NWD2: variants seen among roughly 807,000 people sequenced by gnomAD.
NWD2 encodes NACHT and WD repeat domain containing 2, also known as NACHT and WD repeat domain-containing protein 2.
A neutral mutation model predicts 132.7 loss-of-function variants in NWD2; 37 were observed. The ratio of observed to expected loss-of-function variants is 0.28; its 90% CI spans 0.21 to 0.37. The LOEUF is 0.37. NWD2 is among the 10% of genes least tolerant of loss of function. The pLI, the probability that NWD2 is intolerant of heterozygous loss-of-function variation, is 1.00. For synonymous variants in NWD2, 705 were observed against 803.0 expected, an observed-to-expected ratio of 0.88 and a Z score of 2.06; for missense variants, 1,592 against 2,122.4, an observed-to-expected ratio of 0.75 and a Z score of 4.91.
chr4:37,443,682 A>G lies in NWD2; in HGVS notation c.1694A>G (p.Asn565Ser), dbSNP rs746541660. The change falls in exon 7 of 7, where the codon AAC (asparagine) becomes AGC (serine). Residue 565 changes from asparagine to serine, a missense_variant. Coordinates refer to ENST00000309447, the MANE Select transcript of NWD2 (RefSeq NM_001144990.2). The surrounding 1 kb of genome is among the most constrained non-coding windows in gnomAD (Gnocchi z 4.1). The stretch of plus-strand genomic sequence containing the variant: ...AGGTGCCTTATCCATGAAGAAGACA[A>G]CTACATCGAGCTGATTCCCCGAGAC... ...KLRCLIHEED[N>S]YIELIPRDRK... 4.5e-6 allele frequency: 7 copies of G among 1,551,988 alleles called. No homozygotes were observed. The highest frequency in any genetic ancestry group is 1.7e-4 in the Middle Eastern group (1 of 6,020).
chr4:37,320,105 G>C (rs979237071), intron 1 of NWD2, among the ~76,000 whole-genome samples: 1 of 152,214 alleles, frequency 6.6e-6, no homozygotes, highest in African/African-American at 2.4e-5. Flanking sequence ...TGTAATCCAT[G>C]AGCATGGGAT....
Position 37,438,800 on chromosome 4 carries a change from G to A in NWD2, c.707-1G>A. 1 of 1,543,190 alleles carries A rather than the reference G, an allele frequency of 6.5e-7. No homozygotes were observed. Among genetic ancestry groups the A allele is most frequent in the Non-Finnish European group, 8.8e-7 (1 of 1,142,264 alleles). On this transcript the variant is annotated splice_acceptor_variant, in intron 5 of 6. Coordinates refer to ENST00000309447, the MANE Select transcript of NWD2 (RefSeq NM_001144990.2). LOFTEE classifies it high-confidence loss of function. ...AAACTCCTTCTTATATTTTCTTTCA[G>A]CTATAGAGGATGAGTTTGACTTTGC...
In NWD2 at chr4:37,254,989, A is replaced by G. The variant is rs1358065268; in HGVS notation, c.151+9771A>G. On this transcript the variant is annotated intron_variant, in intron 1 of 6. Coordinates refer to ENST00000309447, the MANE Select transcript of NWD2 (RefSeq NM_001144990.2). ...AATCTGATCTATTACATGCAGTGTCATTCAAAGAGTTTCTTGCCGCAGAAC... is the reference window on the plus strand; with the variant it reads ...AATCTGATCTATTACATGCAGTGTCGTTCAAAGAGTTTCTTGCCGCAGAAC... Among the ~76,000 whole-genome samples the G allele has an allele frequency of 4.6e-5, 7 of 152,236 alleles. No individual in the cohort carries two copies. The East Asian group carries it at 9.6e-4, about 21-fold the overall frequency.
chr4:37,298,771 T>C (rs556619704), intron 1 of NWD2, among the ~76,000 whole-genome samples: 3 of 152,178 alleles, frequency 2.0e-5, no homozygotes, highest in Non-Finnish European at 4.4e-5. Context: ...AAAATACCTA[T>C]TAGTTGCAAG....
intron 3 of NWD2, among the ~76,000 whole-genome samples, chr4:37,383,472 C>T (rs1720498525): frequency 6.6e-6 from 1 of 152,136 alleles, no homozygotes; most frequent in African/African-American, 2.4e-5. Flanking sequence ...AGCAGAGAAC[C>T]TAAACCTGAA....
intron 1 of NWD2, among the ~76,000 whole-genome samples, chr4:37,272,995 G>A (rs977195399): frequency 6.6e-6 from 1 of 151,680 alleles, no homozygotes; most frequent in African/African-American, 2.4e-5. Flanking sequence ...GGTTGCTCAG[G>A]TATTTCAGTT....
Position 37,445,299 on chromosome 4 carries a change from T to G in NWD2, c.3311T>G (p.Val1104Gly). 1 of 1,552,030 alleles carries G rather than the reference T, an allele frequency of 6.4e-7. No homozygotes were observed. Among genetic ancestry groups the G allele is most frequent in the Middle Eastern group, 1.7e-4 (1 of 5,994 alleles). ...CACTGCTGGTATGAAGTGACGTGCG[T>G]CCAGTGCTCCCTGGATGGTCTGTAT... ...QFHCWYEVTC[V>G]QCSLDGLYAF... The change falls in exon 7 of 7, where the codon GTC becomes GGC. Residue 1104 changes from valine (V) to glycine (G), a missense_variant. Physicochemically the swap from Val to Gly is moderately radical, Grantham distance 109. This residue lies in a region of NWD2 where 1,071 missense variants were observed against 1,398.0 expected (regional missense o/e 0.77). Transcript: ENST00000309447. The surrounding 1 kb of genome is among the most constrained non-coding windows in gnomAD (Gnocchi z 4.7).
At chr4:37,404,377 C>T (rs1325267829) in intron 3 of NWD2, among the ~76,000 whole-genome samples, 4 of 152,184 alleles carry the variant, frequency 2.6e-5, no homozygotes, top group Non-Finnish European at 5.9e-5. Context: ...TAGCTGTATA[C>T]CCCATCTAGA....
At position 37,448,191 on chromosome 4, in the gene NWD2, TGAC is replaced by T. The variant is rs1374052848; in HGVS notation, c.*976_*978del. Reference sequence around the variant, plus strand: ...CAACATGCCATCTCTGAGATACTGATGACGTTTGCCTTACTCACATTCCTTCTC... The same window carrying T: ...CAACATGCCATCTCTGAGATACTGATGTTTGCCTTACTCACATTCCTTCTC... On this transcript the variant is annotated 3_prime_UTR_variant, in exon 7 of 7. Transcript: ENST00000309447. The T allele has an allele frequency of 6.6e-6, 1 of 152,242 alleles. No individual in the cohort carries two copies. Among genetic ancestry groups the T allele is most frequent in the Admixed American group, 6.5e-5 (1 of 15,282 alleles). 9.4% of individuals were successfully genotyped at this position (152,242 alleles called of 1,614,324 possible).
chr4:37,400,600 T>C (rs1334966073), intron 3 of NWD2, among the ~76,000 whole-genome samples: 1 of 152,250 alleles, frequency 6.6e-6, no homozygotes, highest in South Asian at 2.1e-4. Flanking sequence ...AATTTCCCTA[T>C]ATGCCTGCTC....
At chr4:37,306,558 A>T (rs1279608730) in intron 1 of NWD2, among the ~76,000 whole-genome samples, 3 of 152,100 alleles carry the variant, frequency 2.0e-5, no homozygotes, top group African/African-American at 7.2e-5. Context: ...TTCTTCCTTT[A>T]CCCATTCAGG....
intron 1 of NWD2, among the ~76,000 whole-genome samples, chr4:37,316,847 A>G (rs1401054921): frequency 3.9e-5 from 6 of 152,156 alleles, no homozygotes; most frequent in Non-Finnish European, 8.8e-5. Flanking sequence ...TTTAGGTAAT[A>G]TAACAATTCT....
chr4:37,294,083 A>G (rs1640099655), intron 1 of NWD2, among the ~76,000 whole-genome samples: 1 of 152,154 alleles, frequency 6.6e-6, no homozygotes, highest in African/African-American at 2.4e-5. Context: ...TCTGGAAAGG[A>G]AGACTTTCTT....
intron 1 of NWD2, among the ~76,000 whole-genome samples, chr4:37,274,051 G>T (rs987589316): frequency 6.6e-6 from 1 of 152,088 alleles, no homozygotes; most frequent in African/African-American, 2.4e-5. Flanking sequence ...ACATTCAAAA[G>T]CTAGCGGAAG....
At chr4:37,381,596 G>A (rs1012388707) in intron 3 of NWD2, among the ~76,000 whole-genome samples, 3 of 152,262 alleles carry the variant, frequency 2.0e-5, no homozygotes, top group African/African-American at 7.2e-5. Context: ...TCCTCTGAAA[G>A]CTCCAAACAG....
At chr4:37,282,837 A>G (rs1017488110) in intron 1 of NWD2, among the ~76,000 whole-genome samples, 1 of 152,136 alleles carries the variant, frequency 6.6e-6, no homozygotes, top group East Asian at 1.9e-4. Flanking sequence ...TATTTTTAGC[A>G]TTGTTGTGTG....
intron 2 of NWD2, among the ~76,000 whole-genome samples, chr4:37,329,363 C>T (rs886936122): frequency 6.6e-6 from 1 of 152,020 alleles, no homozygotes; most frequent in Non-Finnish European, 1.5e-5. Context: ...ATAAATGCTT[C>T]GGTTTTAAAA....
At chr4:37,279,965 A>G (rs1002222529) in intron 1 of NWD2, among the ~76,000 whole-genome samples, 1 of 152,202 alleles carries the variant, frequency 6.6e-6, no homozygotes, top group Non-Finnish European at 1.5e-5. Flanking sequence ...AACCTGGCAT[A>G]AAAGAGAACA....
At chr4:37,334,396 G>A (rs193217186) in intron 2 of NWD2, among the ~76,000 whole-genome samples, 2 of 152,248 alleles carry the variant, frequency 1.3e-5, no homozygotes, top group East Asian at 3.9e-4. Context: ...GCCTGTGCTT[G>A]GAGCACATCT....
Sources: gnomAD v4.1 joint callset for allele counts (sites outside exome capture counted in the v4.1 genomes callset) on GRCh38, gnomAD v4.1.1 for gene constraint, gnomAD v4.1.1 regional missense constraint, Gnocchi (gnomAD v3.1) non-coding constraint, MANE v1.5 for transcripts, NCBI Gene and HGNC (gene_info 2026-07-23, HGNC 2026-07-21) for gene names.